LIPK: variants seen among roughly 807,000 people sequenced by gnomAD.
LIPK encodes the protein lipase family member K, also known as lipase member K.
In LIPK, 32 loss-of-function variants were observed where a neutral mutation model predicts 48.6. The ratio of observed to expected loss-of-function variants is 0.66; its 90% CI spans 0.50 to 0.88. The LOEUF is 0.88. LIPK is among the 40% of genes least tolerant of loss of function. The pLI, the probability that LIPK is intolerant of heterozygous loss-of-function variation, is 0.00. For missense variants in LIPK, 507 were observed against 478.5 expected (o/e 1.06, Z -0.56); for synonymous variants, 164 against 157.4 (o/e 1.04, Z -0.32).
intron 1 of LIPK, among the ~76,000 whole-genome samples, chr10:88,714,267 C>T (rs814641): frequency 0.78 from 119,235 of 152,056 alleles, 47,706 homozygotes; most frequent in East Asian, 1. Flanking sequence ...TTTTGTCAAA[C>T]GTACTTCCCA....
chr10:88,741,312 C>T (rs1393182672), intron 8 of LIPK, among the ~76,000 whole-genome samples: 2 of 152,300 alleles, frequency 1.3e-5, no homozygotes, highest in South Asian at 2.1e-4. Flanking sequence ...GTAGCCTTGA[C>T]ATCCTGGGTT....
intron 9 of LIPK, among the ~76,000 whole-genome samples, chr10:88,748,224 T>G (rs1241968083): frequency 1.3e-5 from 2 of 151,936 alleles, no homozygotes; most frequent in Non-Finnish European, 2.9e-5. Flanking sequence ...TGAGAACACA[T>G]GGACACAGAG....
At chr10:88,740,092 A>T (rs1280987394) in intron 8 of LIPK, 25 bp downstream of exon 8, 1 of 1,570,986 alleles carries the variant, frequency 6.4e-7, no homozygotes, top group African/African-American at 1.4e-5. Context: ...TTCCTGCTTG[A>T]TGCACACATA....
At chr10:88,727,013 C>T in intron 3 of LIPK, 101 bp downstream of exon 3, 1 of 710,820 alleles carries the variant, frequency 1.4e-6, no homozygotes, top group Non-Finnish European at 2.4e-6. Context: ...TCTTAACAGT[C>T]CTTTCCATTA....
intron 1 of LIPK, among the ~76,000 whole-genome samples, chr10:88,723,887 A>G (rs144219120): frequency 0.012 from 1,876 of 152,224 alleles, 29 homozygotes; most frequent in Non-Finnish European, 0.016. Context: ...ATCACACATA[A>G]GCATAATATT....
Position 88,711,755 on chromosome 10 carries a change from G to A in LIPK, c.-12+5435G>A, listed in dbSNP as rs1456908853. 2.6e-5 allele frequency among the ~76,000 whole-genome samples: 4 copies of A among 152,194 alleles called. No homozygotes were observed. In the East Asian group the frequency reaches 5.8e-4, roughly 22 times the overall value. ...TTCCCAAAGTACTGGGATTACAAGC[G>A]TGAGCCACTGTGTCCGGCCTATTTT... is the stretch of plus-strand genomic sequence containing the variant. On this transcript the variant is annotated intron_variant, in intron 1 of 9. Coordinates refer to ENST00000404190, the MANE Select transcript of LIPK (RefSeq NM_001080518.2).
In LIPK at chr10:88,732,525, A is replaced by G. The variant is rs1335739439; in HGVS notation, c.643A>G (p.Thr215Ala). The G allele has an allele frequency of 6.2e-7, 1 of 1,611,596 alleles. No homozygotes were observed. Among genetic ancestry groups the G allele is most frequent in the Non-Finnish European group, 8.5e-7 (1 of 1,179,402 alleles). Residue 215 changes from threonine (T) to alanine (A), a missense_variant, in exon 6 of 10, where the codon ACA becomes GCA. Transcript: ENST00000404190. ...KYTQSPMKKL[T>A]TLSRRVVKVL... is the part of the protein sequence containing the mutation. ...CACCCAAAGTCCTATGAAAAAACTA[A>G]CAACCCTTTCCAGGCGAGTAGTTAA...
intron 1 of LIPK, among the ~76,000 whole-genome samples, chr10:88,718,806 A>G (rs1281537829): frequency 6.6e-6 from 1 of 152,170 alleles, no homozygotes; most frequent in African/African-American, 2.4e-5. Context: ...TGGTATATAA[A>G]TTATAGATTA....
intron 3 of LIPK, among the ~76,000 whole-genome samples, chr10:88,729,537 T>C (rs1842423141): frequency 6.6e-6 from 1 of 152,232 alleles, no homozygotes. Context: ...CAAACTTTTC[T>C]CTTGTCATTT....
chr10:88,747,960 A>G (rs1308159027), intron 9 of LIPK, among the ~76,000 whole-genome samples: 1 of 152,234 alleles, frequency 6.6e-6, no homozygotes, highest in Admixed American at 6.5e-5. Context: ...ATGCACATGT[A>G]TGTTTACTGC....
At chr10:88,727,349 T>G (rs1842364179) in intron 3 of LIPK, 1 of 214,202 alleles carries the variant, frequency 4.7e-6, no homozygotes, top group African/African-American at 2.4e-5. Context: ...AATCCAGGTT[T>G]GGATATAATG....
chr10:88,744,040 C>A (rs1439525180), intron 9 of LIPK, among the ~76,000 whole-genome samples: 2 of 152,198 alleles, frequency 1.3e-5, no homozygotes, highest in Non-Finnish European at 2.9e-5. Context: ...TCGCCAAGCA[C>A]CTCTAGGTAG....
Position 88,752,583 on chromosome 10 carries a change from G to A in LIPK, c.1027G>A (p.Asp343Asn). The A allele has an allele frequency of 6.4e-7, 1 of 1,573,048 alleles. No individual in the cohort carries two copies. Among genetic ancestry groups the A allele is most frequent in the Non-Finnish European group, 8.6e-7 (1 of 1,156,678 alleles). ...VPTAIWNGGQ[D>N]IVADPKDVEN... ...AACAGCAATATGGAATGGTGGACAG[G>A]ACATTGTGGCTGATCCCAAGGATGT... is the stretch of plus-strand genomic sequence containing the variant. The change falls in exon 10 of 10, where the codon GAC becomes AAC. Residue 343 changes from aspartate (D) to asparagine (N), a missense_variant. Asp to Asn is a conservative substitution (Grantham distance 23). Transcript: ENST00000404190.
intron 3 of LIPK, chr10:88,728,578 T>G: frequency 1.5e-5 from 7 of 456,030 alleles, no homozygotes; most frequent in South Asian, 1.2e-4. Flanking sequence ...GCGCCGTAGC[T>G]TCACCGGAAC....
chr10:88,720,240 C>T (rs897675105), intron 1 of LIPK, among the ~76,000 whole-genome samples: 1 of 152,050 alleles, frequency 6.6e-6, no homozygotes, highest in Non-Finnish European at 1.5e-5. Flanking sequence ...CAATTTTTGC[C>T]CACTTATTTT....
intron 1 of LIPK, among the ~76,000 whole-genome samples, chr10:88,712,295 T>C (rs1361992169): frequency 6.6e-6 from 1 of 152,212 alleles, no homozygotes; most frequent in Non-Finnish European, 1.5e-5. Flanking sequence ...CACTTTTTAA[T>C]AGATAAAATT....
chr10:88,738,255 G>A (rs996396265), intron 7 of LIPK, among the ~76,000 whole-genome samples: 1 of 152,172 alleles, frequency 6.6e-6, no homozygotes, highest in African/African-American at 2.4e-5. Context: ...TGTTCAAGGG[G>A]TACCGAGAGG....
intron 1 of LIPK, among the ~76,000 whole-genome samples, chr10:88,716,366 T>TTC (rs1842118347): frequency 6.8e-6 from 1 of 148,096 alleles, no homozygotes; most frequent in African/African-American, 2.5e-5. Context: ...CTTTTTTTTT[T>TTC]TTTTTTTTTG....
At chr10:88,723,630 G>A (rs1842276517) in intron 1 of LIPK, among the ~76,000 whole-genome samples, 1 of 151,982 alleles carries the variant, frequency 6.6e-6, no homozygotes. Flanking sequence ...TTTAAAAAAA[G>A]TTTAAATAAT....
Sources: allele counts gnomAD v4.1 joint callset (sites outside exome capture counted in the v4.1 genomes callset), GRCh38; gene constraint gnomAD v4.1.1; transcripts MANE v1.5; gene names NCBI Gene and HGNC (gene_info 2026-07-23, HGNC 2026-07-21).